Variants in SPAG16 observed in about 807,000 individuals in gnomAD.
SPAG16 encodes the protein sperm associated antigen 16.
In SPAG16, 86 loss-of-function variants were observed where a neutral mutation model predicts 80.4. The observed-to-expected ratio is 1.07, with a 90% CI of 0.90 to 1.28. The LOEUF (loss-of-function observed/expected upper bound fraction) is 1.28. SPAG16 is among the 50% of genes most tolerant of loss of function. The probability of loss-of-function intolerance (pLI) is 0.00; values close to 1 mark genes in which losing one functional copy is unlikely to be tolerated. For missense variants in SPAG16, 870 were observed against 765.3 expected (o/e 1.14, Z -1.61); for synonymous variants, 294 against 265.9 (o/e 1.11, Z -1.03).
chr2:214,090,126 G>A (rs1216319624), intron 13 of SPAG16, among the ~76,000 whole-genome samples: 3 of 151,780 alleles, frequency 2.0e-5, no homozygotes, highest in Non-Finnish European at 2.9e-5. Flanking sequence ...ATCAATAAAA[G>A]CTTTTGCAAA....
At chr2:213,932,380 T>C (rs2078804068) in intron 12 of SPAG16, among the ~76,000 whole-genome samples, 1 of 151,692 alleles carries the variant, frequency 6.6e-6, no homozygotes. Flanking sequence ...CACACCTGGC[T>C]AATTTTTGTA....
chr2:213,643,760 A>C (rs35744697), intron 10 of SPAG16, among the ~76,000 whole-genome samples: 1 of 127,518 alleles, frequency 7.8e-6, no homozygotes, highest in Non-Finnish European at 1.6e-5. Flanking sequence ...CTTCAAGCTC[A>C]CTACTTCTTT....
In SPAG16 at chr2:214,068,710, C is replaced by G. The variant is rs766244045; in HGVS notation, c.1528-39486C>G. Among the ~76,000 whole-genome samples the G allele has an allele frequency of 5.2e-4, 79 of 152,134 alleles. 1 individual carries two copies. The highest frequency in any genetic ancestry group is 2.0e-3 in the Admixed American group (31 of 15,250). On this transcript the variant is annotated intron_variant, in intron 13 of 15. Coordinates refer to ENST00000331683, the MANE Select transcript of SPAG16 (RefSeq NM_024532.5). ...GGTTGATGACTGGCAATTATAAAAG[C>G]TGAATTTTTAATATGCATACATCCA...
chr2:213,379,082 ATTG>A (rs2067033972), intron 9 of SPAG16, among the ~76,000 whole-genome samples: 1 of 152,094 alleles, frequency 6.6e-6, no homozygotes, highest in African/African-American at 2.4e-5. Context: ...TAATGGAATC[ATTG>A]TTGTGTCTCT....
At chr2:213,422,097 C>A in intron 9 of SPAG16, 1 of 662,026 alleles carries the variant, frequency 1.5e-6, no homozygotes, top group Non-Finnish European at 2.8e-6. Flanking sequence ...GAGCTGTAAC[C>A]CAAACAGGGC....
At chr2:213,608,575 G>T (rs1482691349) in intron 10 of SPAG16, among the ~76,000 whole-genome samples, 1 of 152,162 alleles carries the variant, frequency 6.6e-6, no homozygotes, top group African/African-American at 2.4e-5. Flanking sequence ...GTCTATCATT[G>T]TTGGACATTT....
intron 5 of SPAG16, among the ~76,000 whole-genome samples, chr2:213,324,257 GTTA>G (rs150407673): frequency 0.68 from 103,438 of 151,600 alleles, 36,066 homozygotes; most frequent in East Asian, 1. Context: ...TGTACCTCAA[GTTA>G]TTATAATATA....
chr2:213,400,935 G>A (rs1195357099), intron 9 of SPAG16, among the ~76,000 whole-genome samples: 3 of 152,004 alleles, frequency 2.0e-5, no homozygotes, highest in African/African-American at 7.2e-5. Context: ...AGCCTTCCAA[G>A]TAGCTGGGAC....
intron 13 of SPAG16, among the ~76,000 whole-genome samples, chr2:214,014,952 T>G (rs2047510615): frequency 6.6e-6 from 1 of 152,106 alleles, no homozygotes; most frequent in Non-Finnish European, 1.5e-5. Flanking sequence ...AAATAGATAC[T>G]TCGAGGGAGG....
intron 15 of SPAG16, among the ~76,000 whole-genome samples, chr2:214,328,659 T>C (rs917804182): frequency 6.6e-6 from 1 of 152,220 alleles, no homozygotes; most frequent in Non-Finnish European, 1.5e-5. Flanking sequence ...TCTATTATTT[T>C]ATAAAATTAT....
At chr2:213,969,502 A>C (rs937440868) in intron 12 of SPAG16, among the ~76,000 whole-genome samples, 7 of 152,156 alleles carry the variant, frequency 4.6e-5, no homozygotes, top group Non-Finnish European at 8.8e-5. Context: ...AGTGGGATTT[A>C]GGCCTTTATA....
chr2:214,037,034 C>A (rs2048734867), intron 13 of SPAG16, among the ~76,000 whole-genome samples: 1 of 151,616 alleles, frequency 6.6e-6, no homozygotes, highest in South Asian at 2.1e-4. Context: ...AAATTATTTC[C>A]TTTCTTGTGT....
chr2:213,296,977 T>A, intron 2 of SPAG16: 2 of 1,018,720 alleles, frequency 2.0e-6, no homozygotes, highest in Non-Finnish European at 2.6e-6. Flanking sequence ...TAGATAGCCT[T>A]ATTATTTTTT....
intron 10 of SPAG16, among the ~76,000 whole-genome samples, chr2:213,854,787 C>G (rs1190660947): frequency 6.6e-6 from 1 of 152,252 alleles, no homozygotes; most frequent in Non-Finnish European, 1.5e-5. Context: ...TACTTCAGAG[C>G]CAACACTTTT....
chr2:214,356,879 T>A (rs1698841269), intron 15 of SPAG16, among the ~76,000 whole-genome samples: 1 of 152,046 alleles, frequency 6.6e-6, no homozygotes. Context: ...TTCTTCTATC[T>A]CATACCTTTC....
intron 7 of SPAG16, among the ~76,000 whole-genome samples, chr2:213,357,961 A>G (rs879443003): frequency 2.0e-5 from 3 of 152,198 alleles, no homozygotes; most frequent in Admixed American, 1.3e-4. Context: ...GGTAGTAACA[A>G]AACCCCTTAG....
At chr2:213,988,600 C>CA (rs1466730495) in intron 12 of SPAG16, among the ~76,000 whole-genome samples, 1 of 151,684 alleles carries the variant, frequency 6.6e-6, no homozygotes, top group East Asian at 1.9e-4. Context: ...TTACAGAATT[C>CA]AAAGTCAACA....
intron 9 of SPAG16, among the ~76,000 whole-genome samples, chr2:213,470,805 G>A (rs575013887): frequency 3.3e-5 from 5 of 152,302 alleles, no homozygotes; most frequent in Admixed American, 3.3e-4. Context: ...CCTGTGCTGA[G>A]GTTACCCATA....
At chr2:213,373,508 C>T (rs1385604531) in intron 8 of SPAG16, among the ~76,000 whole-genome samples, 1 of 152,172 alleles carries the variant, frequency 6.6e-6, no homozygotes, top group Non-Finnish European at 1.5e-5. Flanking sequence ...AATGTATACA[C>T]ATAAACCATG....
Sources: gnomAD v4.1 joint callset for allele counts (sites outside exome capture counted in the v4.1 genomes callset) on GRCh38, gnomAD v4.1.1 for gene constraint, MANE v1.5 for transcripts, NCBI Gene and HGNC (gene_info 2026-07-23, HGNC 2026-07-21) for gene names.